DEPTOR: variants seen among roughly 807,000 people sequenced by gnomAD.
DEPTOR encodes the protein DEP domain containing MTOR interacting protein.
DEPTOR carries 41 observed loss-of-function variants against 41.6 expected under a neutral mutation model. That is an observed-to-expected ratio of 0.98 (90% confidence interval 0.77 to 1.28). The LOEUF (loss-of-function observed/expected upper bound fraction) is 1.28, where lower values mean the gene tolerates loss of function less well. Ranked by LOEUF, DEPTOR falls within the 50% of genes most tolerant of loss-of-function variation. The probability of loss-of-function intolerance (pLI) is 0.00; values close to 1 mark genes in which losing one functional copy is unlikely to be tolerated. For missense variants in DEPTOR, 514 were observed against 527.9 expected (o/e 0.97, Z 0.26); for synonymous variants, 195 against 192.3 (o/e 1.01, Z -0.12).
intron 1 of DEPTOR, among the ~76,000 whole-genome samples, chr8:119,883,245 C>T (rs1827321395): frequency 6.6e-6 from 1 of 151,808 alleles, no homozygotes; most frequent in East Asian, 1.9e-4. Context: ...GAGGCCGAGG[C>T]GGGCGGATCA....
chr8:119,893,600 A>C (rs1295275165), intron 1 of DEPTOR, among the ~76,000 whole-genome samples: 1 of 152,164 alleles, frequency 6.6e-6, no homozygotes, highest in African/African-American at 2.4e-5. Context: ...AGACCGCAGT[A>C]GGTGGATCAC....
intron 1 of DEPTOR, among the ~76,000 whole-genome samples, chr8:119,923,042 G>A (rs1304720768): frequency 6.6e-6 from 1 of 152,016 alleles, no homozygotes; most frequent in African/African-American, 2.4e-5. Flanking sequence ...AACCTCATTG[G>A]CTTGCTGGGA....
At chr8:119,953,932 G>A (rs1001245506) in intron 3 of DEPTOR, among the ~76,000 whole-genome samples, 1 of 150,968 alleles carries the variant, frequency 6.6e-6, no homozygotes, top group African/African-American at 2.4e-5. Flanking sequence ...AACCTCCCGA[G>A]TATCTGAGAT....
intron 1 of DEPTOR, among the ~76,000 whole-genome samples, chr8:119,927,179 A>T (rs1827974069): frequency 6.6e-6 from 1 of 152,124 alleles, no homozygotes; most frequent in African/African-American, 2.4e-5. Flanking sequence ...TTCTGGAACC[A>T]CTGGGTGCAG....
At chr8:119,918,438 C>A (rs7462804) in intron 1 of DEPTOR, among the ~76,000 whole-genome samples, 4 of 83,350 alleles carry the variant, frequency 4.8e-5, no homozygotes, top group Non-Finnish European at 1.1e-4. Context: ...CATGGACCAC[C>A]TTTATTTATT....
At chr8:119,945,133 A>G (rs1828255284) in intron 3 of DEPTOR, among the ~76,000 whole-genome samples, 1 of 152,198 alleles carries the variant, frequency 6.6e-6, no homozygotes, top group African/African-American at 2.4e-5. Context: ...TACATAGCAT[A>G]TGCCCCATAA....
At chr8:119,926,227 C>T (rs1454068373) in intron 1 of DEPTOR, among the ~76,000 whole-genome samples, 1 of 152,150 alleles carries the variant, frequency 6.6e-6, no homozygotes, top group African/African-American at 2.4e-5. Context: ...GAAGCCTAGT[C>T]TGGCTCCAAG....
chr8:119,954,845 G>GGTGTGTGTGTGTGTGTGT (rs10649943), intron 3 of DEPTOR, among the ~76,000 whole-genome samples: 97 of 148,062 alleles, frequency 6.6e-4, no homozygotes, highest in African/African-American at 2.3e-3. Flanking sequence ...GGCAAATATT[G>GGTGTGTGTGTGTGTGTGT]GTGTGTGTGT....
intron 8 of DEPTOR, among the ~76,000 whole-genome samples, chr8:120,016,730 A>C (rs985924394): frequency 6.6e-6 from 1 of 151,732 alleles, no homozygotes; most frequent in African/African-American, 2.4e-5. Flanking sequence ...CCTTCAATGT[A>C]GCTTGGACCA....
At chr8:119,902,175 C>A (rs1827603089) in intron 1 of DEPTOR, among the ~76,000 whole-genome samples, 1 of 152,084 alleles carries the variant, frequency 6.6e-6, no homozygotes, top group African/African-American at 2.4e-5. Context: ...GTAATACTTC[C>A]TTGCTCAATG....
At chr8:120,018,778 C>A (rs576953457) in intron 8 of DEPTOR, among the ~76,000 whole-genome samples, 2 of 152,096 alleles carry the variant, frequency 1.3e-5, no homozygotes, top group Non-Finnish European at 2.9e-5. Context: ...TGCTGTGAAG[C>A]GGTGGCCTGA....
At chr8:119,981,888 G>A (rs992059483) in intron 4 of DEPTOR, among the ~76,000 whole-genome samples, 7 of 151,346 alleles carry the variant, frequency 4.6e-5, no homozygotes, top group African/African-American at 7.3e-5. Context: ...GGTGGCGGGC[G>A]CCTGTAATCC....
intron 8 of DEPTOR, among the ~76,000 whole-genome samples, chr8:120,037,126 A>G (rs1406799159): frequency 6.6e-6 from 1 of 152,178 alleles, no homozygotes; most frequent in Admixed American, 6.6e-5. Flanking sequence ...AACAATTTGT[A>G]TCATCTTGGC....
intron 3 of DEPTOR, among the ~76,000 whole-genome samples, chr8:119,947,429 C>T (rs976530753): frequency 5.3e-5 from 8 of 152,206 alleles, no homozygotes; most frequent in African/African-American, 1.9e-4. Context: ...TTGAGAGTCA[C>T]CAAGCATCTG....
chr8:119,942,395 G>A lies in DEPTOR; in HGVS notation c.425+12457G>A, dbSNP rs540568047. 2.0e-5 allele frequency among the ~76,000 whole-genome samples: 3 copies of A among 152,270 alleles called. No homozygotes were observed. The East Asian group carries it at 5.8e-4, about 29-fold the overall frequency. ...TAATTTTTGTATTTTTAGTAGAGAC[G>A]GGGTTTCGCAGTGTTGTCCAGGCTG... On this transcript the variant is annotated intron_variant, in intron 3 of 8. Coordinates refer to ENST00000286234, the MANE Select transcript of DEPTOR (RefSeq NM_022783.4).
chr8:119,874,147 C>T (rs1827202162), intron 1 of DEPTOR, 179 bp downstream of exon 1: 1 of 991,662 alleles, frequency 1.0e-6, no homozygotes, highest in African/African-American at 1.8e-5. Context: ...GCCTCGGTCC[C>T]TGAGGACTCG....
intron 1 of DEPTOR, among the ~76,000 whole-genome samples, chr8:119,926,396 A>G (rs574867181): frequency 1.3e-5 from 2 of 152,374 alleles, no homozygotes; most frequent in East Asian, 3.9e-4. Flanking sequence ...AGCATAAAAC[A>G]TTAATCCTAA....
chr8:120,006,719 C>T, intron 6 of DEPTOR, 86 bp from the exon 7 acceptor site: 1 of 1,206,096 alleles, frequency 8.3e-7, no homozygotes, highest in South Asian at 1.3e-5. Context: ...CTGATGGTCA[C>T]CTACGAGATA....
At position 119,965,532 on chromosome 8, in the gene DEPTOR, G is replaced by A. The variant is rs187584145; in HGVS notation, c.604+122G>A. ...GTAAGTCAGCTGCACCTCTGCTTAT[G>A]TTCAGCTTGTCTCCAAGTTGGGGGT... is the stretch of plus-strand genomic sequence containing the variant. On this transcript the variant is annotated intron_variant, in intron 4 of 8. Coordinates refer to ENST00000286234, the MANE Select transcript of DEPTOR (RefSeq NM_022783.4). 2.2e-3 allele frequency: 2,831 copies of A among 1,258,270 alleles called. 8 individuals are homozygous for A. The highest frequency in any genetic ancestry group is 2.8e-3 in the Non-Finnish European group (2,555 of 928,482). The allele number at this position is 1,258,270 out of a possible 1,614,324, so 77.9% of individuals were successfully genotyped here. A position where few individuals can be genotyped will look rare whatever the true frequency, so the allele number is the denominator to read the frequency against.
Sources: gnomAD v4.1 joint callset for allele counts (sites outside exome capture counted in the v4.1 genomes callset) on GRCh38, gnomAD v4.1.1 for gene constraint, MANE v1.5 for transcripts, NCBI Gene and HGNC (gene_info 2026-07-23, HGNC 2026-07-21) for gene names.